Variants in RPH3A observed in about 807,000 individuals in gnomAD.
RPH3A encodes rabphilin-3A.
RPH3A carries 48 observed loss-of-function variants against 102.2 expected under a neutral mutation model. That is an observed-to-expected ratio of 0.47 (90% CI 0.37 to 0.60). The LOEUF is 0.60. Among genes scored for constraint, RPH3A ranks in the 20% least tolerant of loss-of-function variants. The pLI is 0.00. For synonymous variants in RPH3A, 310 were observed against 324.3 expected, an observed-to-expected ratio of 0.96 and a Z score of 0.47; for missense variants, 781 against 910.1, an observed-to-expected ratio of 0.86 and a Z score of 1.83.
At chr12:112,728,405 A>G (rs1383847988) in intron 1 of RPH3A, among the ~76,000 whole-genome samples, 1 of 152,022 alleles carries the variant, frequency 6.6e-6, no homozygotes, top group Non-Finnish European at 1.5e-5. Flanking sequence ...GAGGACCATA[A>G]CCCTTATAAT....
At chr12:112,801,090 G>C (rs1229355868) in intron 2 of RPH3A, among the ~76,000 whole-genome samples, 1 of 152,170 alleles carries the variant, frequency 6.6e-6, no homozygotes, top group Non-Finnish European at 1.5e-5. Flanking sequence ...GGCAAGCTGG[G>C]GTGTCTGGCC....
At chr12:112,734,608 G>T (rs1464920829) in intron 1 of RPH3A, among the ~76,000 whole-genome samples, 2 of 152,218 alleles carry the variant, frequency 1.3e-5, no homozygotes, top group African/African-American at 4.8e-5. Flanking sequence ...AGGCAGAGCA[G>T]CAGCTTGGGC....
chr12:112,641,144 G>T (rs2039887110), intron 1 of RPH3A, among the ~76,000 whole-genome samples: 2 of 152,210 alleles, frequency 1.3e-5, no homozygotes, highest in African/African-American at 4.8e-5. Flanking sequence ...GCTAGCATTT[G>T]CATCGCAGAA....
chr12:112,851,600 T>G (rs994092745), intron 5 of RPH3A, among the ~76,000 whole-genome samples: 7 of 152,158 alleles, frequency 4.6e-5, no homozygotes, highest in Admixed American at 6.5e-5. Context: ...TTTGCAAGGG[T>G]TAGCTGTCCC....
At chr12:112,818,051 G>T (rs757478253) in intron 2 of RPH3A, among the ~76,000 whole-genome samples, 1 of 152,110 alleles carries the variant, frequency 6.6e-6, no homozygotes, top group African/African-American at 2.4e-5. Flanking sequence ...GGTGGCTCAC[G>T]CCTGTAATCC....
At chr12:112,719,831 A>T (rs2040539568) in intron 1 of RPH3A, among the ~76,000 whole-genome samples, 1 of 152,240 alleles carries the variant, frequency 6.6e-6, no homozygotes. Flanking sequence ...GATAGAAGCC[A>T]TATTAGATAC....
intron 1 of RPH3A, among the ~76,000 whole-genome samples, chr12:112,712,911 TCTTCTTCTTCTTCC>T (rs2040475919): frequency 5.4e-5 from 6 of 111,984 alleles, no homozygotes; most frequent in African/African-American, 1.5e-4. Flanking sequence ...TTCCTCTTCT[TCTTCTTCTTCTTCC>T]TCTTCTTCTT....
At chr12:112,742,965 T>C (rs1357570596) in intron 1 of RPH3A, among the ~76,000 whole-genome samples, 1 of 152,156 alleles carries the variant, frequency 6.6e-6, no homozygotes, top group Non-Finnish European at 1.5e-5. Flanking sequence ...GCTGCACATA[T>C]TCCTCAGCTC....
chr12:112,615,784 G>A (rs2039674617), intron 1 of RPH3A, among the ~76,000 whole-genome samples: 1 of 152,146 alleles, frequency 6.6e-6, no homozygotes, highest in Non-Finnish European at 1.5e-5. Flanking sequence ...ATTTACTGGT[G>A]GGGTGAGCTG....
chr12:112,765,250 G>C (rs1592986810), intron 1 of RPH3A, among the ~76,000 whole-genome samples: 1 of 67,546 alleles, frequency 1.5e-5, no homozygotes, highest in African/African-American at 5.0e-5. Flanking sequence ...TGGTGATTGT[G>C]TGTGTGTGTG....
intron 5 of RPH3A, among the ~76,000 whole-genome samples, chr12:112,848,250 C>T (rs1166291101): frequency 6.6e-6 from 1 of 151,840 alleles, no homozygotes; most frequent in African/African-American, 2.4e-5. Flanking sequence ...GAGATGAGAG[C>T]CATGTAGGTG....
At chr12:112,718,506 G>A (rs2040528883) in intron 1 of RPH3A, among the ~76,000 whole-genome samples, 1 of 152,268 alleles carries the variant, frequency 6.6e-6, no homozygotes, top group East Asian at 1.9e-4. Flanking sequence ...TACTTGTGAT[G>A]AGGAGTGTTT....
At chr12:112,862,242 C>CA (rs1276473563) in intron 5 of RPH3A, among the ~76,000 whole-genome samples, 1 of 148,808 alleles carries the variant, frequency 6.7e-6, no homozygotes, top group Non-Finnish European at 1.5e-5. Flanking sequence ...TCAGTCCCCC[C>CA]CCCAAAAAAA....
intron 1 of RPH3A, among the ~76,000 whole-genome samples, chr12:112,740,855 T>A (rs2040704292): frequency 6.6e-6 from 1 of 152,244 alleles, no homozygotes; most frequent in African/African-American, 2.4e-5. Context: ...GGATGTCTCC[T>A]GTTCCTCCAC....
At chr12:112,682,829 A>G (rs950728765) in intron 1 of RPH3A, among the ~76,000 whole-genome samples, 2 of 152,168 alleles carry the variant, frequency 1.3e-5, no homozygotes, top group Non-Finnish European at 2.9e-5. Flanking sequence ...TGCCTCTGCT[A>G]TGTGCTCTTT....
chr12:112,891,203 T>A (rs1318132851), intron 19 of RPH3A, 200 bp downstream of exon 19: 3 of 604,812 alleles, frequency 5.0e-6, no homozygotes, highest in Non-Finnish European at 8.6e-6. Flanking sequence ...AACTGGTGTG[T>A]CACTTGCCCA....
chr12:112,866,215 T>C (rs2042609335), intron 6 of RPH3A, among the ~76,000 whole-genome samples: 1 of 152,210 alleles, frequency 6.6e-6, no homozygotes. Context: ...GCGAAAAGTT[T>C]ATTCTGAAAA....
chr12:112,793,880 G>T (rs2041175657), intron 2 of RPH3A, among the ~76,000 whole-genome samples: 1 of 151,950 alleles, frequency 6.6e-6, no homozygotes, highest in Non-Finnish European at 1.5e-5. Context: ...ATCTTAGGGG[G>T]CTATCAAGAG....
chr12:112,715,372 C>T (rs1402325637), intron 1 of RPH3A, among the ~76,000 whole-genome samples: 1 of 152,086 alleles, frequency 6.6e-6, no homozygotes, highest in Non-Finnish European at 1.5e-5. Context: ...CTTACTGCTG[C>T]TTGATAACTT....
Sources: allele counts gnomAD v4.1 joint callset (sites outside exome capture counted in the v4.1 genomes callset), GRCh38; gene constraint gnomAD v4.1.1; transcripts MANE v1.5; gene names NCBI Gene and HGNC (gene_info 2026-07-23, HGNC 2026-07-21).